ARFGEF3: variants seen among roughly 807,000 people sequenced by gnomAD.
The protein encoded by ARFGEF3 is ARFGEF family member 3, also known as brefeldin A-inhibited guanine nucleotide-exchange protein 3.
In ARFGEF3, 96 loss-of-function variants were observed where a neutral mutation model predicts 221.7. The ratio of observed to expected loss-of-function variants is 0.43; its 90% confidence interval spans 0.37 to 0.51. ARFGEF3 has a LOEUF of 0.51. ARFGEF3 is among the 20% of genes least tolerant of loss of function. The pLI is 0.00. For synonymous variants in ARFGEF3, 1,145 were observed against 1,126.8 expected, an observed-to-expected ratio of 1.02 and a Z score of -0.32; for missense variants, 2,410 against 2,789.9, an observed-to-expected ratio of 0.86 and a Z score of 3.07.
At chr6:138,266,631 T>C (rs1355839830) in intron 12 of ARFGEF3, among the ~76,000 whole-genome samples, 2 of 151,976 alleles carry the variant, frequency 1.3e-5, no homozygotes, top group African/African-American at 4.8e-5. Flanking sequence ...AGGCGGATCA[T>C]GAGGTTAGGA....
chr6:138,265,710 G>A (rs147548124), intron 12 of ARFGEF3, among the ~76,000 whole-genome samples: 18 of 152,168 alleles, frequency 1.2e-4, no homozygotes, highest in African/African-American at 4.3e-4. Context: ...GCCGAATTGT[G>A]CTATATGCTA....
intron 1 of ARFGEF3, among the ~76,000 whole-genome samples, chr6:138,167,120 C>G (rs1308189348): frequency 6.6e-6 from 1 of 152,174 alleles, no homozygotes; most frequent in African/African-American, 2.4e-5. Flanking sequence ...AACTGGGCAC[C>G]TGCTTTACCT....
chr6:138,278,264 G>A (rs566519731), intron 12 of ARFGEF3, among the ~76,000 whole-genome samples, 187 bp from the exon 13 acceptor site: 8 of 152,192 alleles, frequency 5.3e-5, no homozygotes, highest in East Asian at 1.9e-4. Context: ...ACTCCTGAGC[G>A]CATGCTCTTT....
intron 24 of ARFGEF3, among the ~76,000 whole-genome samples, chr6:138,309,533 A>G (rs563397670): frequency 6.6e-6 from 1 of 152,330 alleles, no homozygotes; most frequent in South Asian, 2.1e-4. Flanking sequence ...GACACTGAGA[A>G]TAGGTTTCTG....
chr6:138,278,087 G>A (rs190046057), intron 12 of ARFGEF3, among the ~76,000 whole-genome samples: 70 of 152,308 alleles, frequency 4.6e-4, no homozygotes, highest in African/African-American at 1.7e-3. Flanking sequence ...TGAGGTTGGA[G>A]TTTTATTACA....
chr6:138,216,537 G>A (rs1488833285), intron 4 of ARFGEF3: 2 of 152,188 alleles, frequency 1.3e-5, no homozygotes, highest in Non-Finnish European at 2.9e-5. Context: ...TTTAATGGCA[G>A]AGTCTTACAC....
chr6:138,306,091 G>A (rs186147495), intron 22 of ARFGEF3, among the ~76,000 whole-genome samples: 1 of 152,080 alleles, frequency 6.6e-6, no homozygotes, highest in East Asian at 1.9e-4. Flanking sequence ...AACATTATAT[G>A]GGATTTGCAA....
chr6:138,267,469 G>A (rs1054598498), intron 12 of ARFGEF3, among the ~76,000 whole-genome samples: 7 of 152,096 alleles, frequency 4.6e-5, no homozygotes, highest in African/African-American at 1.7e-4. Flanking sequence ...CTCCACTGCC[G>A]AAGTTTCAGC....
At chr6:138,328,947 C>T (rs1780172585) in intron 32 of ARFGEF3, among the ~76,000 whole-genome samples, 1 of 152,026 alleles carries the variant, frequency 6.6e-6, no homozygotes, top group South Asian at 2.1e-4. Context: ...TAGGGGGCCA[C>T]GATTATGCCA....
At position 138,209,870 on chromosome 6, in the gene ARFGEF3, G is replaced by T. The variant is rs192996208; in HGVS notation, c.220-40G>T. On this transcript the variant is annotated intron_variant, in intron 3 of 33. Transcript: ENST00000251691. ...GATACAACCAAATAAGGCAGCAGGGGAGAGCCTATCTGTGATCACTGCCTT... is the reference window on the plus strand; with the variant it reads ...GATACAACCAAATAAGGCAGCAGGGTAGAGCCTATCTGTGATCACTGCCTT... The T allele has an allele frequency of 7.8e-5, 125 of 1,607,314 alleles. No homozygotes were observed. In the African/African-American group the frequency reaches 1.5e-3, roughly 19 times the overall value.
intron 5 of ARFGEF3, among the ~76,000 whole-genome samples, 189 bp downstream of exon 5, chr6:138,230,041 C>T (rs1778163875): frequency 6.6e-6 from 1 of 152,074 alleles, no homozygotes; most frequent in Non-Finnish European, 1.5e-5. Context: ...GTTGTAATGC[C>T]ATGTGTCTCA....
intron 10 of ARFGEF3, among the ~76,000 whole-genome samples, chr6:138,258,109 T>C (rs533354445): frequency 6.6e-6 from 1 of 152,306 alleles, no homozygotes; most frequent in South Asian, 2.1e-4. Context: ...TCATTGACTC[T>C]CCCATCAAGG....
At chr6:138,240,621 G>A (rs1322769105) in intron 6 of ARFGEF3, among the ~76,000 whole-genome samples, 1 of 152,184 alleles carries the variant, frequency 6.6e-6, no homozygotes, top group East Asian at 1.9e-4. Flanking sequence ...CCCAACCGGA[G>A]GCAAGATCTC....
intron 4 of ARFGEF3, among the ~76,000 whole-genome samples, chr6:138,210,969 C>G (rs1296449387): frequency 6.6e-6 from 1 of 152,102 alleles, no homozygotes; most frequent in Non-Finnish European, 1.5e-5. Context: ...GTGGGTAGTT[C>G]AGGTGATGAT....
At chr6:138,274,262 T>G (rs940976891) in intron 12 of ARFGEF3, among the ~76,000 whole-genome samples, 1 of 152,232 alleles carries the variant, frequency 6.6e-6, no homozygotes, top group Non-Finnish European at 1.5e-5. Context: ...TAGACTCAAT[T>G]GTACCTTTCA....
At chr6:138,204,562 A>G (rs1458096155) in intron 2 of ARFGEF3, among the ~76,000 whole-genome samples, 1 of 152,172 alleles carries the variant, frequency 6.6e-6, no homozygotes, top group Non-Finnish European at 1.5e-5. Context: ...GCAGAGTTGA[A>G]TAGTTAAGAC....
chr6:138,186,866 A>G (rs1224322337), intron 2 of ARFGEF3, among the ~76,000 whole-genome samples: 1 of 142,838 alleles, frequency 7.0e-6, no homozygotes, highest in Non-Finnish European at 1.5e-5. Context: ...AAGCTTTTAC[A>G]TATCTCCTCC....
chr6:138,226,561 C>T (rs1778088007), intron 4 of ARFGEF3, among the ~76,000 whole-genome samples: 1 of 150,854 alleles, frequency 6.6e-6, no homozygotes, highest in African/African-American at 2.4e-5. Context: ...GCCCATCACT[C>T]AAGTTCCTGC....
Position 138,342,631 on chromosome 6 carries a change from G to C in ARFGEF3, c.*6145G>C, listed in dbSNP as rs1240464221. ...GTACTGAAGGTGATTTTAAATTTAAGTATGTAGTGTTTGAATTTCTTCCAT... is the reference window on the plus strand; with the variant it reads ...GTACTGAAGGTGATTTTAAATTTAACTATGTAGTGTTTGAATTTCTTCCAT... On this transcript the variant is annotated 3_prime_UTR_variant, in exon 34 of 34. Transcript: ENST00000251691. 6.6e-6 allele frequency: 1 copy of C among 152,152 alleles called. No individual in the cohort carries two copies. The highest frequency in any genetic ancestry group is 1.5e-5 in the Non-Finnish European group (1 of 68,024). The allele number at this position is 152,152 out of a possible 1,614,324, so 9.4% of individuals were successfully genotyped here.
Sources: gnomAD v4.1 joint callset for allele counts (sites outside exome capture counted in the v4.1 genomes callset) on GRCh38, gnomAD v4.1.1 for gene constraint, MANE v1.5 for transcripts, NCBI Gene and HGNC (gene_info 2026-07-23, HGNC 2026-07-21) for gene names.